Variants in ERVW-1 observed in about 807,000 individuals in gnomAD.
The protein encoded by ERVW-1 is syncytin-1.
A neutral mutation model predicts 16.6 loss-of-function variants in ERVW-1; 21 were observed. The ratio of observed to expected loss-of-function variants is 1.26; its 90% CI spans 0.90 to 1.82. The LOEUF is 1.82. Among genes scored for constraint, ERVW-1 ranks in the 40% most tolerant of loss-of-function variants. The pLI is 0.00. For synonymous variants in ERVW-1, 161 were observed against 109.8 expected (o/e 1.47, Z -2.92); for missense variants, 412 against 300.2 (o/e 1.37, Z -2.75).
At chr7:92,473,197 T>C (rs947084193) in intron 1 of ERVW-1, 2 of 152,158 alleles carry the variant, frequency 1.3e-5, no homozygotes, top group South Asian at 4.1e-4. Flanking sequence ...GAAAGCAGAG[T>C]ATAAGGGCTA....
Position 92,469,866 on chromosome 7 carries a change from G to A in ERVW-1, c.516C>T (p.Leu172=), listed in dbSNP as rs1790259921. ...GGGCCGAGACCTCATGGAGCCCAGT[G>A]AGGGTGGTATTAAATAGGCTTACCA... The part of the protein sequence containing the change: ...TRLVSLFNTT[L]TGLHEVSAQN... Residue 172 remains leucine (L), a synonymous_variant, in exon 2 of 2, where the codon CTC becomes CTT. Transcript: ENST00000603053. The A allele has an allele frequency of 1.3e-6, 1 of 776,956 alleles. No homozygotes were observed. Among genetic ancestry groups the A allele is most frequent in the Admixed American group, 1.7e-5 (1 of 59,004 alleles). The allele number at this position is 776,956 out of a possible 1,614,324, so 48.1% of individuals were successfully genotyped here.
chr7:92,476,212 C>T (rs1790537087), intron 1 of ERVW-1, among the ~76,000 whole-genome samples: 1 of 152,222 alleles, frequency 6.6e-6, no homozygotes, highest in African/African-American at 2.4e-5. Context: ...TAGCCCCATA[C>T]TTTAAGATTT....
rs574525767 is a variant in ERVW-1 at position 92,469,970 on chromosome 7, G to T, written c.412C>A (p.Arg138=). The T allele has an allele frequency of 1.3e-6, 1 of 773,520 alleles. No homozygotes were observed. Among genetic ancestry groups the T allele is most frequent in the Admixed American group, 1.7e-5 (1 of 58,284 alleles). 47.9% of individuals were successfully genotyped at this position (773,520 alleles called of 1,614,324 possible). ...TAGGGGCTAGAGGTGCCATGTACCCGGGTGAGTTGGGAGATTACTTCTTTT... is the reference window on the plus strand; with the variant it reads ...TAGGGGCTAGAGGTGCCATGTACCCTGGTGAGTTGGGAGATTACTTCTTTT... ...HVKEVISQLT[R]VHGTSSPYKG... Residue 138 remains arginine, a synonymous_variant, in exon 2 of 2, where the codon CGG becomes AGG. Transcript: ENST00000603053.
Position 92,468,836 on chromosome 7 carries a change from T to C in ERVW-1, c.1546A>G (p.Lys516Glu). 1 of 764,414 alleles carries C rather than the reference T, an allele frequency of 1.3e-6. No individual in the cohort carries two copies. Among genetic ancestry groups the C allele is most frequent in the Non-Finnish European group, 2.4e-6 (1 of 417,810 alleles). 47.4% of individuals were successfully genotyped at this position (764,414 alleles called of 1,614,324 possible). A position where few individuals can be genotyped will look rare whatever the true frequency, so the allele number is the denominator to read the frequency against. The change falls in exon 2 of 2, where the codon AAA (lysine) becomes GAA (glutamate). Residue 516 changes from lysine (K) to glutamate (E), a missense_variant. By Grantham distance (56) the Lys-to-Glu change is moderately conservative (BLOSUM62 1). Coordinates refer to ENST00000603053, the MANE Select transcript of ERVW-1 (RefSeq NM_001130925.2). ...GAGATTTCCTCAGGAGGGGTGCCTT[T>C]GATGTCATTAACATCAGATCGTGGG... The part of the protein sequence containing the change: ...ASPRSDVNDI[K>E]GTPPEEISAA...
intron 1 of ERVW-1, chr7:92,473,225 A>C (rs1045179586): frequency 2.6e-5 from 4 of 152,218 alleles, no homozygotes; most frequent in African/African-American, 4.8e-5. Context: ...CTGGCTATAG[A>C]GGAACAACAG....
Position 92,469,099 on chromosome 7 carries a change from C to G in ERVW-1, c.1283G>C (p.Arg428Thr), listed in dbSNP as rs1200971799. ...TCCAGTGTTTCGAAGCTCCTCTGCT[C>G]TACGTTGTATTCGATCTCGAATTTC... ...VKEIRDRIQR[R>T]AEELRNTGPW... is the part of the protein sequence containing the mutation. Residue 428 changes from arginine (R) to threonine (T), a missense_variant, in exon 2 of 2, where the codon AGA becomes ACA. Transcript: ENST00000603053. 1 of 702,466 alleles carries G rather than the reference C, an allele frequency of 1.4e-6. No homozygotes were observed. Among genetic ancestry groups the G allele is most frequent in the Non-Finnish European group, 2.6e-6 (1 of 385,548 alleles). 43.5% of individuals were successfully genotyped at this position (702,466 alleles called of 1,614,324 possible).
intron 1 of ERVW-1, chr7:92,472,246 G>A (rs1166215478): frequency 1.3e-5 from 2 of 152,258 alleles, no homozygotes; most frequent in African/African-American, 4.8e-5. Flanking sequence ...TGACATTTAA[G>A]TAAACAGTTG....
rs916216768 is a variant in ERVW-1 at position 92,469,998 on chromosome 7, A to G, written c.384T>C (p.His128=). 1 of 778,154 alleles carries G rather than the reference A, an allele frequency of 1.3e-6. No homozygotes were observed. The highest frequency in any genetic ancestry group is 2.4e-5 in the East Asian group (1 of 41,234). 48.2% of individuals were successfully genotyped at this position (778,154 alleles called of 1,614,324 possible). ...TGAGTTGGGAGATTACTTCTTTTAC[A>G]TGTTTTTCTCTTGCCTGATCTTGAA... ...GGVQDQAREK[H]VKEVISQLTR... The change falls in exon 2 of 2, where the codon CAT becomes CAC. Residue 128 remains histidine, a synonymous_variant. Coordinates refer to ENST00000603053, the MANE Select transcript of ERVW-1 (RefSeq NM_001130925.2).
chr7:92,469,086 A>C lies in ERVW-1; in HGVS notation c.1296T>G (p.Leu432=). 1.4e-6 allele frequency: 1 copy of C among 702,964 alleles called. No individual in the cohort carries two copies. The highest frequency in any genetic ancestry group is 2.6e-6 in the Non-Finnish European group (1 of 385,810). 43.5% of individuals were successfully genotyped at this position (702,964 alleles called of 1,614,324 possible). ...GGAGGCCCCAGGGTCCAGTGTTTCG[A>C]AGCTCCTCTGCTCTACGTTGTATTC... The part of the protein sequence containing the change: ...RDRIQRRAEE[L]RNTGPWGLLS... The change falls in exon 2 of 2, where the codon CTT becomes CTG. Residue 432 remains leucine, a synonymous_variant. Transcript: ENST00000603053.
chr7:92,470,229 C>T lies in ERVW-1; in HGVS notation c.153G>A (p.Ser51=), dbSNP rs754860109. 26 of 778,470 alleles carry T rather than the reference C, an allele frequency of 3.3e-5. No individual in the cohort carries two copies. Among genetic ancestry groups the T allele is most frequent in the African/African-American group, 1.2e-4 (7 of 59,024 alleles). 48.2% of individuals were successfully genotyped at this position (778,470 alleles called of 1,614,324 possible). The part of the protein sequence containing the change: ...MQRPGNIDAP[S]YRSLSKGTPT... ...GGGTTCCCTTAGAAAGACTCCTATA[C>T]GATGGGGCATCAATATTTCCGGGAC... The change falls in exon 2 of 2, where the codon TCG becomes TCA. Residue 51 remains serine (S), a synonymous_variant. Coordinates refer to ENST00000603053, the MANE Select transcript of ERVW-1 (RefSeq NM_001130925.2).
At chr7:92,475,195 C>T (rs1790488674) in intron 1 of ERVW-1, 1 of 152,160 alleles carries the variant, frequency 6.6e-6, no homozygotes, top group Non-Finnish European at 1.5e-5. Flanking sequence ...TGCCAGGCGG[C>T]ACTGCAGAAG....
chr7:92,471,567 T>G (rs1790353325), intron 1 of ERVW-1: 1 of 152,210 alleles, frequency 6.6e-6, no homozygotes, highest in South Asian at 2.1e-4. Context: ...GTACTGGGGC[T>G]TGGTTTCCCG....
In ERVW-1 at chr7:92,470,399, GTTACTTTCC is replaced by G. The variant is rs1462329785; in HGVS notation, c.-27_-19del. The G allele has an allele frequency of 1.5e-6, 1 of 679,640 alleles. No individual in the cohort carries two copies. The highest frequency in any genetic ancestry group is 1.7e-5 in the South Asian group (1 of 58,248). 42.1% of individuals were successfully genotyped at this position (679,640 alleles called of 1,614,324 possible). On this transcript the variant is annotated 5_prime_UTR_variant, in exon 2 of 2. Coordinates refer to ENST00000603053, the MANE Select transcript of ERVW-1 (RefSeq NM_001130925.2). ...AGGGCCATGGGGATTTATGATTTTA[GTTACTTTCC>G]TCCTGGTTGTTGTTTGAAGAGCAGG...
chr7:92,470,050 T>C lies in ERVW-1; in HGVS notation c.332A>G (p.Gln111Arg), dbSNP rs1420996300. ...TCCACCCCCATCAGACATACCAGTT[T>C]GGGTGAAGTAAGTCCAACAGACAGT... ...GVTVCWTYFTQTGMSDGGGVQ... is the reference protein window; with the variant it reads ...GVTVCWTYFTRTGMSDGGGVQ... Residue 111 changes from glutamine to arginine, a missense_variant, in exon 2 of 2, where the codon CAA becomes CGA. Transcript: ENST00000603053. 2.2e-5 allele frequency: 17 copies of C among 778,682 alleles called. No homozygotes were observed. The East Asian group carries it at 4.1e-4, about 19-fold the overall frequency. The allele number at this position is 778,682 out of a possible 1,614,324, so 48.2% of individuals were successfully genotyped here. A position where few individuals can be genotyped will look rare whatever the true frequency, so the allele number is the denominator to read the frequency against.
intron 1 of ERVW-1, among the ~76,000 whole-genome samples, chr7:92,476,434 G>A (rs989828512): frequency 1.1e-4 from 16 of 152,104 alleles, no homozygotes; most frequent in African/African-American, 3.1e-4. Flanking sequence ...CAGTGCTTTC[G>A]GCCTATGCTC....
chr7:92,468,957 A>G lies in ERVW-1; in HGVS notation c.1425T>C (p.Phe475=). The part of the protein sequence containing the change: ...GPCIFNLLVN[F]VSSRIEAVKL... ...TTACAGCTTCGATTCTGGAAGAGACAAAGTTAACAAGGAGGTTAAAGATAC... is the reference window on the plus strand; with the variant it reads ...TTACAGCTTCGATTCTGGAAGAGACGAAGTTAACAAGGAGGTTAAAGATAC... Residue 475 remains phenylalanine (F), a synonymous_variant, in exon 2 of 2, where the codon TTT becomes TTC. Coordinates refer to ENST00000603053, the MANE Select transcript of ERVW-1 (RefSeq NM_001130925.2). The G allele has an allele frequency of 1.3e-6, 1 of 763,838 alleles. No homozygotes were observed. Among genetic ancestry groups the G allele is most frequent in the Non-Finnish European group, 2.4e-6 (1 of 417,846 alleles). 47.3% of individuals were successfully genotyped at this position (763,838 alleles called of 1,614,324 possible). A position where few individuals can be genotyped will look rare whatever the true frequency, so the allele number is the denominator to read the frequency against.
chr7:92,468,641 T>G lies in ERVW-1; in HGVS notation c.*124A>C. ...GCCCCGTGTTTAAAGGTGGATGTGG[T>G]CACCTTCCCAGCTAGGCTTAGGGAT... is the stretch of plus-strand genomic sequence containing the variant. On this transcript the variant is annotated 3_prime_UTR_variant, in exon 2 of 2. Transcript: ENST00000603053. 1 of 584,112 alleles carries G rather than the reference T, an allele frequency of 1.7e-6. No homozygotes were observed. The highest frequency in any genetic ancestry group is 3.0e-6 in the Non-Finnish European group (1 of 329,232). The allele number at this position is 584,112 out of a possible 1,614,324, so 36.2% of individuals were successfully genotyped here.
chr7:92,475,130 C>G (rs1790486305), intron 1 of ERVW-1: 1 of 152,150 alleles, frequency 6.6e-6, no homozygotes, highest in Admixed American at 6.6e-5. Flanking sequence ...TTTGCCTTTT[C>G]TACAAAAGAG....
rs771228699 is a variant in ERVW-1, at chr7:92,470,268, T to C, written c.114A>G (p.Leu38=). Residue 38 remains leucine, a synonymous_variant, in exon 2 of 2, where the codon CTA becomes CTG. Transcript: ENST00000603053. ...TATTTCCGGGACGCTGCATTCTCCA[T>C]AGAAACTCTTGGTAAGGGGAGCTAC... is the stretch of plus-strand genomic sequence containing the variant. The part of the protein sequence containing the change: ...MTSSSPYQEF[L]WRMQRPGNID... 1.9e-4 allele frequency: 148 copies of C among 778,502 alleles called. No homozygotes were observed. The East Asian group carries it at 3.6e-3, about 19-fold the overall frequency. 48.2% of individuals were successfully genotyped at this position (778,502 alleles called of 1,614,324 possible). A position where few individuals can be genotyped will look rare whatever the true frequency, so the allele number is the denominator to read the frequency against.
Sources: allele counts gnomAD v4.1 joint callset (sites outside exome capture counted in the v4.1 genomes callset), GRCh38; gene constraint gnomAD v4.1.1; transcripts MANE v1.5; gene names NCBI Gene and HGNC (gene_info 2026-07-23, HGNC 2026-07-21).